The following DNAH8 variants were observed in gnomAD, a reference collection of about 807,000 sequenced individuals.
The protein encoded by DNAH8 is axonemal beta dynein heavy chain 8.
DNAH8 carries 382 observed loss-of-function variants against 562.1 expected under a neutral mutation model. That is an observed-to-expected ratio of 0.68 (90% CI 0.63 to 0.74). The LOEUF (loss-of-function observed/expected upper bound fraction) is 0.74, where lower values mean the gene tolerates loss of function less well. Ranked by LOEUF, DNAH8 falls within the 30% of genes least tolerant of loss-of-function variation. DNAH8 has a pLI of 0.00. For synonymous variants in DNAH8, 1,881 were observed against 1,919.4 expected (o/e 0.98, Z 0.52); for missense variants, 5,203 against 5,620.4 (o/e 0.93, Z 2.37).
chr6:39,023,589 T>A (rs1767074193), intron 91 of DNAH8, among the ~76,000 whole-genome samples: 1 of 152,174 alleles, frequency 6.6e-6, no homozygotes, highest in African/African-American at 2.4e-5. Flanking sequence ...ATATCAATAG[T>A]CTTTAAAAAT....
chr6:38,727,969 AT>A (rs755483902), intron 3 of DNAH8, among the ~76,000 whole-genome samples: 1 of 151,032 alleles, frequency 6.6e-6, no homozygotes, highest in African/African-American at 2.4e-5. Flanking sequence ...CCTTAAGTTA[AT>A]TTTTTTTTCT....
chr6:39,006,559 C>T (rs1400141101), intron 88 of DNAH8, among the ~76,000 whole-genome samples: 1 of 152,116 alleles, frequency 6.6e-6, no homozygotes, highest in African/African-American at 2.4e-5. Context: ...GAGCTTATGT[C>T]TATTGGAAAT....
At position 38,935,631 on chromosome 6, in the gene DNAH8, A is replaced by G. The variant is rs746482096; in HGVS notation, c.11497A>G (p.Thr3833Ala). The G allele has an allele frequency of 2.5e-5, 40 of 1,613,302 alleles. No homozygotes were observed. In the South Asian group the frequency reaches 4.2e-4, roughly 17 times the overall value. The change falls in exon 77 of 93, where the codon ACT becomes GCT. Residue 3833 changes from threonine to alanine, a missense_variant. Thr to Ala is a moderately conservative substitution (Grantham distance 58). This residue lies in a region of DNAH8 where 1,399 missense variants were observed against 1,518.4 expected (regional missense o/e 0.92). Transcript: ENST00000327475. ...GAGGGTTAAACTTTTGGAGGATGTT[A>G]CTTTTAATAAGCGGAAGATGAAAGA... ...AERVKLLEDV[T>A]FNKRKMKELE...
chr6:38,920,733 A>G lies in DNAH8; in HGVS notation c.10525-636A>G, dbSNP rs1781638413. On this transcript the variant is annotated intron_variant, in intron 70 of 92. Coordinates refer to ENST00000327475, the MANE Select transcript of DNAH8 (RefSeq NM_001206927.2). The stretch of plus-strand genomic sequence containing the variant: ...AACTAACGTTCATGATGGACTTGGG[A>G]CCTTCATAAAATGAAATGAAATGAA... Among the ~76,000 whole-genome samples, 6 of 152,284 alleles carry G rather than the reference A, an allele frequency of 3.9e-5. No individual in the cohort carries two copies. The South Asian group carries it at 1.2e-3, about 32-fold the overall frequency.
intron 91 of DNAH8, among the ~76,000 whole-genome samples, chr6:39,013,261 T>C (rs1215423833): frequency 1.3e-5 from 2 of 152,244 alleles, no homozygotes; most frequent in Non-Finnish European, 2.9e-5. Flanking sequence ...ATGGATAGTT[T>C]TACTTCAAGT....
chr6:38,947,750 C>CTT lies in DNAH8; in HGVS notation c.12130-1691_12130-1690dup, dbSNP rs34044479. ...TGTGAAACATTTCAGAAATCCTCTT[C>CTT]TTTTTTTTTTTTCTTGAGATGGAGT... On this transcript the variant is annotated intron_variant, in intron 80 of 92. Transcript: ENST00000327475. Among the ~76,000 whole-genome samples, 39 of 146,820 alleles carry CTT rather than the reference C, an allele frequency of 2.7e-4. 1 individual carries two copies. The highest frequency in any genetic ancestry group is 2.9e-4 in the Non-Finnish European group (19 of 66,532).
chr6:38,780,781 C>T (rs1333323114), intron 15 of DNAH8, among the ~76,000 whole-genome samples: 1 of 152,106 alleles, frequency 6.6e-6, no homozygotes, highest in Non-Finnish European at 1.5e-5. Flanking sequence ...AACTAATCCT[C>T]ATGACACGAG....
In DNAH8 at chr6:38,951,360, T is replaced by C. The variant is rs767115149; in HGVS notation, c.12291T>C (p.Tyr4097=). The stretch of plus-strand genomic sequence containing the variant: ...GTACTGTTTTTCAAGCAAGAAAGTA[T>C]ATTGCAGATTCTTTGGAGGAGAAGT... ...PDRTVFQARK[Y]IADSLEEKYT... is the part of the protein sequence containing the mutation. Residue 4097 remains tyrosine, a synonymous_variant, in exon 82 of 93, where the codon TAT becomes TAC. Coordinates refer to ENST00000327475, the MANE Select transcript of DNAH8 (RefSeq NM_001206927.2). 1.9e-6 allele frequency: 3 copies of C among 1,614,208 alleles called. No individual in the cohort carries two copies. In the South Asian group the frequency reaches 3.3e-5, roughly 18 times the overall value.
chr6:38,944,517 T>A (rs1333309414), intron 79 of DNAH8, among the ~76,000 whole-genome samples: 1 of 152,210 alleles, frequency 6.6e-6, no homozygotes, highest in Non-Finnish European at 1.5e-5. Context: ...GAATCACTGC[T>A]TTGCATGCAT....
Position 38,842,451 on chromosome 6 carries a change from G to A in DNAH8, c.4550G>A (p.Trp1517Ter). The A allele has an allele frequency of 1.9e-6, 3 of 1,613,052 alleles. No homozygotes were observed. Among genetic ancestry groups the A allele is most frequent in the Non-Finnish European group, 1.7e-6 (2 of 1,179,362 alleles). Residue 1517 changes from tryptophan (W) to a stop codon, truncating the protein, a stop_gained, in exon 34 of 93, where the codon TGG becomes TAG. Transcript: ENST00000327475. LOFTEE classifies it high-confidence loss of function. The stretch of plus-strand genomic sequence containing the variant: ...ATTAGTGGTTATTATGAAATACTTT[G>A]GGGAGATGTAGATATTGAAAAAATT... ...SSISGYYEIL[W>*]GDVDIEKINA...
chr6:38,845,875 C>A, intron 36 of DNAH8, 102 bp downstream of exon 36: 1 of 971,952 alleles, frequency 1.0e-6, no homozygotes, highest in Non-Finnish European at 1.6e-6. Flanking sequence ...ATGGATTCTG[C>A]ACTAAATTTG....
chr6:38,767,511 A>T lies in DNAH8; in HGVS notation c.1618-2902A>T, dbSNP rs545204487. 2.2e-3 allele frequency among the ~76,000 whole-genome samples: 332 copies of T among 151,346 alleles called. 2 individuals are homozygous for T. Among genetic ancestry groups the T allele is most frequent in the Non-Finnish European group, 4.0e-3 (269 of 67,890 alleles). ...CTTGTATTTACTGTCTCTCTTTATG[A>T]ATTTGCCTATTCTAGGTACCTCAAA... On this transcript the variant is annotated intron_variant, in intron 11 of 92. Transcript: ENST00000327475.
At chr6:39,005,280 G>C (rs1035036442) in intron 88 of DNAH8, among the ~76,000 whole-genome samples, 1 of 152,144 alleles carries the variant, frequency 6.6e-6, no homozygotes, top group African/African-American at 2.4e-5. Flanking sequence ...GGGTGTGGTA[G>C]TGCACGCCTA....
Position 38,723,043 on chromosome 6 carries a change from A to G in DNAH8, c.234A>G (p.Glu78=), listed in dbSNP as rs1212889225. The change falls in exon 2 of 93, where the codon GAA becomes GAG. Residue 78 remains glutamate, a synonymous_variant. Coordinates refer to ENST00000327475, the MANE Select transcript of DNAH8 (RefSeq NM_001206927.2). ...EEGIVLPDDH[E]ADLNRVRQRL... is the part of the protein sequence containing the mutation. ...GGATAGTTCTTCCAGATGATCATGA[A>G]GCGGATCTGAATAGAGTTCGACAGA... The G allele has an allele frequency of 1.9e-6, 3 of 1,612,908 alleles. No homozygotes were observed. Among genetic ancestry groups the G allele is most frequent in the Non-Finnish European group, 2.5e-6 (3 of 1,179,898 alleles).
intron 58 of DNAH8, among the ~76,000 whole-genome samples, chr6:38,891,046 T>C (rs2150487049): frequency 6.6e-6 from 1 of 152,342 alleles, no homozygotes; most frequent in East Asian, 1.9e-4. Context: ...CACTTGTTAC[T>C]CTGATTTGTA....
At chr6:38,939,616 A>AG (rs1783269902) in intron 79 of DNAH8, among the ~76,000 whole-genome samples, 1 of 152,228 alleles carries the variant, frequency 6.6e-6, no homozygotes, top group Non-Finnish European at 1.5e-5. Flanking sequence ...TAAGTGCTAT[A>AG]AGAGAGCTAA....
chr6:38,916,614 C>G (rs974801394), intron 68 of DNAH8, among the ~76,000 whole-genome samples: 18 of 152,190 alleles, frequency 1.2e-4, no homozygotes, highest in African/African-American at 4.1e-4. Flanking sequence ...TGCACCCCCA[C>G]TTCCTTTATG....
chr6:38,726,851 G>GTT (rs58557655), intron 3 of DNAH8, among the ~76,000 whole-genome samples: 21 of 63,266 alleles, frequency 3.3e-4, no homozygotes, highest in South Asian at 4.9e-4. Flanking sequence ...GTATTCTTTA[G>GTT]TTTTTTTTTT....
intron 88 of DNAH8, among the ~76,000 whole-genome samples, chr6:38,997,608 A>G (rs1166465848): frequency 1.3e-5 from 2 of 152,158 alleles, no homozygotes; most frequent in East Asian, 1.9e-4. Context: ...ATTTGAATGC[A>G]TGTGTGCAGA....
Sources: allele counts gnomAD v4.1 joint callset (sites outside exome capture counted in the v4.1 genomes callset), GRCh38; gene constraint gnomAD v4.1.1; regional missense constraint gnomAD v4.1.1; transcripts MANE v1.5; gene names NCBI Gene and HGNC (gene_info 2026-07-23, HGNC 2026-07-21).